Variants in NAALADL2 observed in about 807,000 individuals in gnomAD.
NAALADL2 encodes the protein inactive N-acetylated-alpha-linked acidic dipeptidase-like protein 2.
A neutral mutation model predicts 87.2 loss-of-function variants in NAALADL2; 76 were observed. The ratio of observed to expected loss-of-function variants is 0.87; its 90% confidence interval spans 0.72 to 1.05. The LOEUF is 1.05. Among genes scored for constraint, NAALADL2 ranks in the 50% least tolerant of loss-of-function variants. NAALADL2 has a pLI of 0.00. For missense variants in NAALADL2, 1,089 were observed against 945.8 expected (o/e 1.15, Z -1.99); for synonymous variants, 354 against 331.0 (o/e 1.07, Z -0.75).
chr3:175,750,957 A>G (rs1477919620), intron 12 of NAALADL2, among the ~76,000 whole-genome samples: 1 of 152,184 alleles, frequency 6.6e-6, no homozygotes, highest in Non-Finnish European at 1.5e-5. Flanking sequence ...TTTTACTTTG[A>G]GATGAAGGGA....
At chr3:175,705,639 C>G (rs1042909782) in intron 11 of NAALADL2, among the ~76,000 whole-genome samples, 3 of 151,814 alleles carry the variant, frequency 2.0e-5, no homozygotes, top group African/African-American at 7.3e-5. Flanking sequence ...ATTTTGTATA[C>G]TATATTATTT....
intron 1 of NAALADL2, chr3:174,864,229 T>G: frequency 3.0e-6 from 1 of 338,434 alleles, no homozygotes; most frequent in Non-Finnish European, 5.8e-6. Context: ...GCCTAAGAAA[T>G]AGTTAATGAA....
intron 3 of NAALADL2, among the ~76,000 whole-genome samples, chr3:174,784,333 C>G (rs946247270): frequency 6.6e-6 from 1 of 152,080 alleles, no homozygotes; most frequent in Non-Finnish European, 1.5e-5. Flanking sequence ...GTCTAAAAAT[C>G]TCCAATTGCA....
chr3:174,831,584 C>T (rs1415910802), intron 3 of NAALADL2, among the ~76,000 whole-genome samples: 2 of 150,640 alleles, frequency 1.3e-5, no homozygotes, highest in Admixed American at 1.3e-4. Flanking sequence ...TTTGTTGTGT[C>T]TCTGCCTGGC....
At chr3:175,167,936 A>G (rs1734227104) in intron 2 of NAALADL2, among the ~76,000 whole-genome samples, 1 of 152,032 alleles carries the variant, frequency 6.6e-6, no homozygotes, top group South Asian at 2.1e-4. Flanking sequence ...TGATGGCATT[A>G]TAATAATCAC....
intron 11 of NAALADL2, among the ~76,000 whole-genome samples, chr3:175,703,939 T>C (rs1279461324): frequency 6.6e-6 from 1 of 152,088 alleles, no homozygotes; most frequent in African/African-American, 2.4e-5. Flanking sequence ...GACTCCTGAG[T>C]TTCCTTTGGA....
At chr3:174,948,555 T>C (rs1739835860) in intron 1 of NAALADL2, among the ~76,000 whole-genome samples, 1 of 152,196 alleles carries the variant, frequency 6.6e-6, no homozygotes. Flanking sequence ...ATTGTGACTA[T>C]TACTACTTAA....
intron 13 of NAALADL2, among the ~76,000 whole-genome samples, chr3:175,772,347 A>G (rs995965011): frequency 6.6e-5 from 10 of 151,982 alleles, no homozygotes; most frequent in African/African-American, 2.4e-4. Context: ...CTGCATTTTC[A>G]CTTTGCCAGT....
intron 4 of NAALADL2, among the ~76,000 whole-genome samples, chr3:175,270,407 C>T (rs1752647065): frequency 6.6e-6 from 1 of 152,138 alleles, no homozygotes; most frequent in African/African-American, 2.4e-5. Context: ...ACTCTTCATC[C>T]AAACTGACTG....
chr3:175,134,575 T>C (rs897825027), intron 2 of NAALADL2, among the ~76,000 whole-genome samples: 3 of 152,140 alleles, frequency 2.0e-5, no homozygotes, highest in Non-Finnish European at 4.4e-5. Context: ...TTTTTCTCAA[T>C]ATATAGCATG....
intron 4 of NAALADL2, among the ~76,000 whole-genome samples, chr3:175,278,327 G>A (rs1005650512): frequency 2.6e-5 from 4 of 152,056 alleles, no homozygotes; most frequent in Admixed American, 6.6e-5. Flanking sequence ...AATAACAATG[G>A]ATGCATCTAG....
intron 11 of NAALADL2, among the ~76,000 whole-genome samples, chr3:175,709,238 T>C (rs1377646783): frequency 6.6e-6 from 1 of 152,134 alleles, no homozygotes; most frequent in African/African-American, 2.4e-5. Flanking sequence ...TAGCTCGTGA[T>C]TATTCTGCCT....
chr3:175,663,344 A>G (rs948697492), intron 11 of NAALADL2, among the ~76,000 whole-genome samples: 2 of 151,618 alleles, frequency 1.3e-5, no homozygotes, highest in Admixed American at 1.3e-4. Context: ...ATAATAGTCC[A>G]ATTTGTTTGT....
At chr3:175,113,827 A>G (rs927011908) in intron 2 of NAALADL2, among the ~76,000 whole-genome samples, 1 of 151,532 alleles carries the variant, frequency 6.6e-6, no homozygotes. Flanking sequence ...CATCTTTTCA[A>G]AATCGTAAAC....
intron 2 of NAALADL2, among the ~76,000 whole-genome samples, chr3:175,182,565 T>G (rs1580823952): frequency 9.1e-6 from 1 of 110,160 alleles, no homozygotes; most frequent in South Asian, 3.5e-4. Context: ...TTTTTTTTTT[T>G]TTTTTTTTTT....
At chr3:175,437,885 A>G (rs570844606) in intron 5 of NAALADL2, among the ~76,000 whole-genome samples, 1 of 151,096 alleles carries the variant, frequency 6.6e-6, no homozygotes, top group Admixed American at 6.7e-5. Flanking sequence ...TAATGTAAAT[A>G]TAAATATAAC....
intron 11 of NAALADL2, among the ~76,000 whole-genome samples, chr3:175,701,981 A>G (rs1472447830): frequency 6.6e-6 from 1 of 152,192 alleles, no homozygotes; most frequent in Non-Finnish European, 1.5e-5. Context: ...TTCCTGAATA[A>G]TGAACTTTAG....
chr3:175,751,276 C>T (rs957756501), intron 12 of NAALADL2, among the ~76,000 whole-genome samples: 1 of 151,878 alleles, frequency 6.6e-6, no homozygotes, highest in Non-Finnish European at 1.5e-5. Context: ...AAAAATGGCA[C>T]CCAATTTGCA....
chr3:175,049,670 C>G (rs1281040617), intron 1 of NAALADL2, among the ~76,000 whole-genome samples: 1 of 152,076 alleles, frequency 6.6e-6, no homozygotes, highest in Non-Finnish European at 1.5e-5. Context: ...GAGGTTTTAT[C>G]CTTTAATAAA....
Sources: gnomAD v4.1 joint callset for allele counts (sites outside exome capture counted in the v4.1 genomes callset) on GRCh38, gnomAD v4.1.1 for gene constraint, MANE v1.5 for transcripts, NCBI Gene and HGNC (gene_info 2026-07-23, HGNC 2026-07-21) for gene names.